The following CHD1L variants were observed in gnomAD, a reference collection of about 807,000 sequenced individuals.
CHD1L encodes the protein chromodomain helicase DNA binding protein 1 like.
CHD1L carries 118 observed loss-of-function variants against 115.9 expected under a neutral mutation model. The observed-to-expected ratio is 1.02, with a 90% CI of 0.88 to 1.19. The LOEUF is 1.19. Ranked by LOEUF, CHD1L falls within the 50% of genes most tolerant of loss-of-function variation. The pLI is 0.00. For missense variants in CHD1L, 1,179 were observed against 1,065.3 expected, an observed-to-expected ratio of 1.11 and a Z score of -1.49; for synonymous variants, 411 against 387.1, an observed-to-expected ratio of 1.06 and a Z score of -0.72.
At chr1:147,266,340 CT>C (rs1673906991) in intron 8 of CHD1L, among the ~76,000 whole-genome samples, 1 of 152,182 alleles carries the variant, frequency 6.6e-6, no homozygotes, top group Non-Finnish European at 1.5e-5. Flanking sequence ...TAAGCAAACA[CT>C]TCCAGGTGTC....
the CHD1L span, among the ~76,000 whole-genome samples, chr1:147,188,522 CAAAAA>C: frequency 1.6e-5 from 1 of 61,252 alleles, no homozygotes; most frequent in Non-Finnish European, 3.1e-5. Context: ...GACCCCATAT[CAAAAA>C]AAAAAAAAAA....
the CHD1L span, among the ~76,000 whole-genome samples, chr1:147,232,019 C>T: frequency 3.3e-5 from 5 of 152,276 alleles, no homozygotes; most frequent in African/African-American, 1.2e-4. Flanking sequence ...TCTTCTGCTT[C>T]GCTCATGCTG....
the CHD1L span, among the ~76,000 whole-genome samples, chr1:147,235,993 A>T: frequency 6.6e-6 from 1 of 152,188 alleles, no homozygotes; most frequent in East Asian, 1.9e-4. Flanking sequence ...ATCCCATGCC[A>T]GCCAAGGGCC....
intron 9 of CHD1L, among the ~76,000 whole-genome samples, chr1:147,268,397 A>G (rs1189928841): frequency 2.0e-5 from 3 of 152,202 alleles, no homozygotes; most frequent in African/African-American, 7.2e-5. Flanking sequence ...AGATTGCACA[A>G]AATCTCAAGT....
the CHD1L span, among the ~76,000 whole-genome samples, chr1:147,205,330 T>C: frequency 5.3e-5 from 8 of 152,354 alleles, no homozygotes; most frequent in Admixed American, 3.3e-4. Flanking sequence ...ATGGTATCTA[T>C]ACCACCTTAT....
the CHD1L span, chr1:147,208,967 G>C: frequency 1.9e-6 from 3 of 1,613,658 alleles, no homozygotes; most frequent in Admixed American, 3.3e-5. Flanking sequence ...TGTGTAAGTC[G>C]AGAAGAGAAC....
At chr1:147,199,137 A>G in the CHD1L span, among the ~76,000 whole-genome samples, 1 of 152,216 alleles carries the variant, frequency 6.6e-6, no homozygotes, top group Non-Finnish European at 1.5e-5. Context: ...TTTTCTTGAC[A>G]AGAGAACAAT....
the CHD1L span, among the ~76,000 whole-genome samples, chr1:147,207,249 T>C: frequency 2.0e-5 from 3 of 152,196 alleles, no homozygotes; most frequent in African/African-American, 4.8e-5. Context: ...TGTGTATGTA[T>C]GCTCTATATG....
upstream of CHD1L, among the ~76,000 whole-genome samples, chr1:147,238,878 T>C (rs1423041613): frequency 3.3e-5 from 5 of 152,208 alleles, no homozygotes; most frequent in African/African-American, 1.2e-4. Context: ...TCCACCTGAA[T>C]TGACTGTCCC....
At chr1:147,294,662 A>T in intron 22 of CHD1L, 145 bp downstream of exon 22, 1 of 555,284 alleles carries the variant, frequency 1.8e-6, no homozygotes, top group Non-Finnish European at 3.1e-6. Flanking sequence ...CAAAGAAAGA[A>T]GCACTTTCTA....
chr1:147,251,565 G>A (rs1553936354), intron 1 of CHD1L, among the ~76,000 whole-genome samples: 1 of 152,030 alleles, frequency 6.6e-6, no homozygotes, highest in Non-Finnish European at 1.5e-5. Flanking sequence ...GTCTCGCTCT[G>A]TTGCCAAGGC....
At chr1:147,214,466 C>CAAA in the CHD1L span, among the ~76,000 whole-genome samples, 56 of 148,356 alleles carry the variant, frequency 3.8e-4, no homozygotes, top group African/African-American at 1.3e-3. Context: ...AAACAAAAAA[C>CAAA]AAAAAAAAAA....
Position 147,272,299 on chromosome 1 carries a change from T to C in CHD1L, c.1270+18T>C. On this transcript the variant is annotated intron_variant, in intron 12 of 22. Coordinates refer to ENST00000369258, the MANE Select transcript of CHD1L (RefSeq NM_004284.6). Reference sequence around the variant, plus strand: ...TAGGGCAGGTAGGCTGCAAAGGCATTGATGGAAACAGACAAATGAGGGATA... The same window carrying C: ...TAGGGCAGGTAGGCTGCAAAGGCATCGATGGAAACAGACAAATGAGGGATA... The C allele has an allele frequency of 6.5e-7, 1 of 1,528,854 alleles. No homozygotes were observed. The highest frequency in any genetic ancestry group is 2.2e-5 in the East Asian group (1 of 44,448). 94.7% of individuals were successfully genotyped at this position (1,528,854 alleles called of 1,614,324 possible).
chr1:147,254,264 G>C (rs1553938296), intron 2 of CHD1L, among the ~76,000 whole-genome samples: 1 of 152,144 alleles, frequency 6.6e-6, no homozygotes, highest in Admixed American at 6.5e-5. Flanking sequence ...TTCCCCGTTA[G>C]AATGTGTCCT....
the CHD1L span, chr1:147,204,206 G>A: frequency 2.2e-6 from 3 of 1,380,450 alleles, no homozygotes; most frequent in Non-Finnish European, 3.1e-6. Flanking sequence ...AAAAGGACAA[G>A]AGTACACTGC....
the CHD1L span, among the ~76,000 whole-genome samples, chr1:147,188,697 T>C: frequency 1.5e-4 from 23 of 151,420 alleles, no homozygotes; most frequent in African/African-American, 5.6e-4. Context: ...CTGCACGTTG[T>C]ACACATGTAC....
chr1:147,275,602 A>G (rs1275439932), intron 13 of CHD1L, 134 bp downstream of exon 13: 14 of 662,078 alleles, frequency 2.1e-5, no homozygotes, highest in African/African-American at 1.1e-4. Context: ...CATCTGTGCT[A>G]TTGACTCCTA....
intron 1 of CHD1L, 42 bp from the exon 2 acceptor site, chr1:147,252,569 TCTGCATGTACTG>T: frequency 7.4e-7 from 1 of 1,358,746 alleles, no homozygotes; most frequent in Non-Finnish European, 1.0e-6. Flanking sequence ...GAACATTGCC[TCTGCATGTACTG>T]AAATGTCTGC....
the CHD1L span, among the ~76,000 whole-genome samples, chr1:147,188,571 CA>C: frequency 7.1e-6 from 1 of 140,582 alleles, no homozygotes; most frequent in Admixed American, 7.1e-5. Flanking sequence ...GAAGGTTTCA[CA>C]AAAGAGGTTC....
Sources: allele counts gnomAD v4.1 joint callset (sites outside exome capture counted in the v4.1 genomes callset), GRCh38; gene constraint gnomAD v4.1.1; transcripts MANE v1.5; gene names NCBI Gene and HGNC (gene_info 2026-07-23, HGNC 2026-07-21).